NCKAP1L: variants seen among roughly 807,000 people sequenced by gnomAD.
NCKAP1L encodes the protein NCK associated protein 1 like.
Under a neutral mutation model 139.2 loss-of-function variants are expected in NCKAP1L, and 53 were observed. The ratio of observed to expected loss-of-function variants is 0.38; its 90% CI spans 0.31 to 0.48. The LOEUF (loss-of-function observed/expected upper bound fraction) is 0.48. Ranked by LOEUF, NCKAP1L falls within the 20% of genes least tolerant of loss-of-function variation. The probability of loss-of-function intolerance (pLI) is 0.98; values close to 1 mark genes in which losing one functional copy is unlikely to be tolerated. For synonymous variants in NCKAP1L, 468 were observed against 499.7 expected (o/e 0.94, Z 0.85); for missense variants, 1,151 against 1,381.9 (o/e 0.83, Z 2.65).
chr12:54,514,479 C>A (rs113620768), intron 9 of NCKAP1L, among the ~76,000 whole-genome samples: 2 of 151,812 alleles, frequency 1.3e-5, no homozygotes, highest in Non-Finnish European at 2.9e-5. Flanking sequence ...GTACAACCAC[C>A]CCCAGCTAAT....
intron 3 of NCKAP1L, among the ~76,000 whole-genome samples, chr12:54,503,695 A>G (rs943208648): frequency 1.3e-5 from 2 of 150,258 alleles, no homozygotes; most frequent in African/African-American, 4.9e-5. Flanking sequence ...GCTGGAATAC[A>G]GTGGCGTGAT....
intron 3 of NCKAP1L, among the ~76,000 whole-genome samples, chr12:54,502,419 G>A (rs1458573286): frequency 2.0e-5 from 3 of 152,104 alleles, no homozygotes. Context: ...CAAACCTACT[G>A]TAAAATTTCT....
chr12:54,546,301 A>C lies in NCKAP1L; in HGVS notation c.*3616A>C, dbSNP rs1417134408. 2 of 146,728 alleles carry C rather than the reference A, an allele frequency of 1.4e-5. No individual in the cohort carries two copies. Among genetic ancestry groups the C allele is most frequent in the African/African-American group, 5.0e-5 (2 of 39,608 alleles). 9.1% of individuals were successfully genotyped at this position (146,728 alleles called of 1,614,324 possible). A position where few individuals can be genotyped will look rare whatever the true frequency, so the allele number is the denominator to read the frequency against. On this transcript the variant is annotated 3_prime_UTR_variant, in exon 31 of 31. Coordinates refer to ENST00000293373, the MANE Select transcript of NCKAP1L (RefSeq NM_005337.5). ...CTTGAGTCCGGGAGGCAGAGGTTGC[A>C]GTGAGCGAAGATGATGCCATTGCAC... is the stretch of plus-strand genomic sequence containing the variant.
intron 28 of NCKAP1L, 44 bp from the exon 29 acceptor site, chr12:54,536,900 T>C (rs1340118149): frequency 4.2e-6 from 6 of 1,416,884 alleles, no homozygotes; most frequent in Non-Finnish European, 6.0e-6. Context: ...GCTTACTTTG[T>C]CATTTCCTCT....
chr12:54,499,088 G>A (rs1956775214), intron 1 of NCKAP1L, among the ~76,000 whole-genome samples: 1 of 151,962 alleles, frequency 6.6e-6, no homozygotes, highest in Non-Finnish European at 1.5e-5. Context: ...ACCATGCCCA[G>A]CTAATTTTTG....
chr12:54,506,940 T>C (rs1351336546), intron 3 of NCKAP1L, among the ~76,000 whole-genome samples: 2 of 150,896 alleles, frequency 1.3e-5, no homozygotes, highest in African/African-American at 4.9e-5. Context: ...AATTGTGGTA[T>C]ACCATGGGCT....
chr12:54,501,094 C>T (rs930016743), intron 3 of NCKAP1L, among the ~76,000 whole-genome samples: 1 of 152,162 alleles, frequency 6.6e-6, no homozygotes, highest in Admixed American at 6.5e-5. Context: ...ACTCTCTACC[C>T]TTTATGCAAT....
intron 27 of NCKAP1L, among the ~76,000 whole-genome samples, chr12:54,535,580 C>T (rs35852203): frequency 0.23 from 34,900 of 152,172 alleles, 7,706 homozygotes; most frequent in African/African-American, 0.59. Context: ...AGCACCCAAA[C>T]TCCCCATAGT....
intron 5 of NCKAP1L, among the ~76,000 whole-genome samples, chr12:54,509,344 C>T (rs1283320121): frequency 5.3e-5 from 8 of 152,090 alleles, no homozygotes; most frequent in African/African-American, 1.7e-4. Context: ...GGTTGTATAA[C>T]GATTTGAATC....
At chr12:54,541,238 A>G (rs1957155845) in intron 30 of NCKAP1L, among the ~76,000 whole-genome samples, 1 of 152,250 alleles carries the variant, frequency 6.6e-6, no homozygotes, top group Admixed American at 6.5e-5. Flanking sequence ...AGGGAGGGAA[A>G]GATGACAATC....
rs1039250669 is a variant in NCKAP1L at position 54,543,693 on chromosome 12, C to T, written c.*1008C>T. 3 of 152,166 alleles carry T rather than the reference C, an allele frequency of 2.0e-5. No individual in the cohort carries two copies. The highest frequency in any genetic ancestry group is 7.2e-5 in the African/African-American group (3 of 41,422). The allele number at this position is 152,166 out of a possible 1,614,324, so 9.4% of individuals were successfully genotyped here. A position where few individuals can be genotyped will look rare whatever the true frequency, so the allele number is the denominator to read the frequency against. On this transcript the variant is annotated 3_prime_UTR_variant, in exon 31 of 31. Coordinates refer to ENST00000293373, the MANE Select transcript of NCKAP1L (RefSeq NM_005337.5). ...GGAGTACAAGCTGTTTCAACTTAGCCCTTTTCTGCGCTAATTAGAATTTCA... is the reference window on the plus strand; with the variant it reads ...GGAGTACAAGCTGTTTCAACTTAGCTCTTTTCTGCGCTAATTAGAATTTCA...
chr12:54,500,149 A>T (rs1555170504), intron 2 of NCKAP1L, among the ~76,000 whole-genome samples: 1 of 142,884 alleles, frequency 7.0e-6, no homozygotes, highest in Non-Finnish European at 1.5e-5. Flanking sequence ...TTTGAGATGG[A>T]GTCTTGCTCT....
intron 7 of NCKAP1L, chr12:54,510,469 GTGTGT>G: frequency 3.9e-6 from 1 of 258,836 alleles, no homozygotes; most frequent in Non-Finnish European, 7.8e-6. Context: ...GACTACAGGT[GTGTGT>G]GCCACCATGG....
chr12:54,515,127 G>A lies in NCKAP1L; in HGVS notation c.942-1112G>A, dbSNP rs150796300. 7.2e-5 allele frequency among the ~76,000 whole-genome samples: 11 copies of A among 152,310 alleles called. No individual in the cohort carries two copies. The East Asian group carries it at 2.1e-3, about 29-fold the overall frequency. ...GAGGTGAAATTAGGACACAATTCCA[G>A]GTTTCTGGACTCTGAATCTTTTCTC... On this transcript the variant is annotated intron_variant, in intron 9 of 30. Transcript: ENST00000293373.
At chr12:54,535,451 A>C (rs573476656) in intron 27 of NCKAP1L, among the ~76,000 whole-genome samples, 1 of 152,340 alleles carries the variant, frequency 6.6e-6, no homozygotes, top group East Asian at 1.9e-4. Context: ...AAAAGTACTA[A>C]GTGAGAGTCT....
intron 16 of NCKAP1L, 120 bp downstream of exon 16, chr12:54,519,452 A>T (rs1396785927): frequency 4.7e-6 from 2 of 427,434 alleles, no homozygotes; most frequent in Non-Finnish European, 6.7e-6. Context: ...TTTTTTTTTA[A>T]AGAGACAGAT....
chr12:54,540,273 C>T (rs980177731), intron 30 of NCKAP1L, among the ~76,000 whole-genome samples: 4 of 152,196 alleles, frequency 2.6e-5, no homozygotes, highest in Non-Finnish European at 5.9e-5. Context: ...TTGAAATACA[C>T]AGGCACTGAG....
chr12:54,520,583 G>T (rs923454935), intron 16 of NCKAP1L, 111 bp from the exon 17 acceptor site: 7 of 1,056,074 alleles, frequency 6.6e-6, no homozygotes, highest in Non-Finnish European at 8.7e-6. Flanking sequence ...TATCCTCTCC[G>T]CCTCAAAGGG....
rs145066566 is a variant in NCKAP1L, at chr12:54,534,585, C to A, written c.2863-519C>A. Among the ~76,000 whole-genome samples, 351 of 151,860 alleles carry A rather than the reference C, an allele frequency of 2.3e-3. 2 individuals carry two copies. Among genetic ancestry groups the A allele is most frequent in the African/African-American group, 8.2e-3 (340 of 41,368 alleles). On this transcript the variant is annotated intron_variant, in intron 26 of 30. Coordinates refer to ENST00000293373, the MANE Select transcript of NCKAP1L (RefSeq NM_005337.5). The stretch of plus-strand genomic sequence containing the variant: ...GAGAAGATGAGATCTAAGGGATGGA[C>A]GTAACAGATATAAATAGAGGAGAGA...
Sources: allele counts gnomAD v4.1 joint callset (sites outside exome capture counted in the v4.1 genomes callset), GRCh38; gene constraint gnomAD v4.1.1; transcripts MANE v1.5; gene names NCBI Gene and HGNC (gene_info 2026-07-23, HGNC 2026-07-21).